UBE2R2: variants seen among roughly 807,000 people sequenced by gnomAD.
UBE2R2 encodes the protein ubiquitin conjugating enzyme E2 R2, also known as ubiquitin-conjugating enzyme E2 R2.
UBE2R2 carries 1 observed loss-of-function variant against 27.8 expected under a neutral mutation model. The observed-to-expected ratio is 0.04, with a 90% confidence interval of 0.01 to 0.17. The LOEUF is 0.17. UBE2R2 is among the 10% of genes least tolerant of loss of function. The pLI is 1.00. For missense variants in UBE2R2, 100 were observed against 291.0 expected, an observed-to-expected ratio of 0.34 and a Z score of 4.78; for synonymous variants, 106 against 113.3, an observed-to-expected ratio of 0.94 and a Z score of 0.41.
chr9:33,822,240 C>T (rs970070596), intron 1 of UBE2R2, among the ~76,000 whole-genome samples: 4 of 150,576 alleles, frequency 2.7e-5, no homozygotes, highest in South Asian at 2.1e-4. Flanking sequence ...TACAGGCATG[C>T]GCCACCATGC....
At chr9:33,897,712 A>G (rs1214274941) in intron 2 of UBE2R2, among the ~76,000 whole-genome samples, 12 of 151,676 alleles carry the variant, frequency 7.9e-5, no homozygotes, top group African/African-American at 2.7e-4. Context: ...AAAGCCTTTT[A>G]TCTTCCACCC....
At chr9:33,904,716 G>A (rs911410775) in intron 3 of UBE2R2, among the ~76,000 whole-genome samples, 1 of 152,102 alleles carries the variant, frequency 6.6e-6, no homozygotes, top group African/African-American at 2.4e-5. Context: ...CTAAAGGCTC[G>A]GTAGCTTGCT....
chr9:33,900,965 C>T (rs992544921), intron 3 of UBE2R2, among the ~76,000 whole-genome samples: 15 of 152,114 alleles, frequency 9.9e-5, no homozygotes, highest in African/African-American at 2.9e-4. Context: ...GTGTCTCTGT[C>T]TCTTGTCTTT....
intron 1 of UBE2R2, among the ~76,000 whole-genome samples, chr9:33,861,546 C>A (rs911025251): frequency 2.0e-5 from 3 of 151,642 alleles, no homozygotes; most frequent in African/African-American, 7.3e-5. Flanking sequence ...GAGCTGAGAT[C>A]ATGCCACTGC....
intron 1 of UBE2R2, among the ~76,000 whole-genome samples, chr9:33,835,228 A>T (rs1283805262): frequency 6.8e-6 from 1 of 148,080 alleles, no homozygotes; most frequent in Admixed American, 6.9e-5. Context: ...GCTCACTGCA[A>T]CCTCTGTCTC....
intron 1 of UBE2R2, among the ~76,000 whole-genome samples, chr9:33,833,061 A>T (rs1463073851): frequency 1.3e-5 from 2 of 152,064 alleles, no homozygotes; most frequent in Non-Finnish European, 2.9e-5. Flanking sequence ...CTAATTTGAA[A>T]ATTATGAGGT....
intron 1 of UBE2R2, among the ~76,000 whole-genome samples, chr9:33,824,895 T>G (rs1454876948): frequency 1.3e-5 from 2 of 152,150 alleles, no homozygotes; most frequent in African/African-American, 4.8e-5. Context: ...GAGAGACCAT[T>G]TCATTGAAAT....
chr9:33,918,498 A>T lies in UBE2R2; in HGVS notation c.*1261A>T, dbSNP rs2130829087. On this transcript the variant is annotated 3_prime_UTR_variant, in exon 5 of 5. Coordinates refer to ENST00000263228, the MANE Select transcript of UBE2R2 (RefSeq NM_017811.4). ...TGACTGCAGGCAGTTTTTAGGCCAG[A>T]TAAGGCTAGATCTTCCTGCAATGCA... The T allele has an allele frequency of 6.6e-6, 1 of 152,166 alleles. No individual in the cohort carries two copies. Among genetic ancestry groups the T allele is most frequent in the East Asian group, 1.9e-4 (1 of 5,160 alleles). The allele number at this position is 152,166 out of a possible 1,614,324, so 9.4% of individuals were successfully genotyped here.
At chr9:33,817,136 C>G (rs1587416983), upstream of UBE2R2, among the ~76,000 whole-genome samples, 2 of 151,304 alleles carry the variant, frequency 1.3e-5, no homozygotes, top group African/African-American at 4.8e-5. Context: ...CCTCCTCCCT[C>G]TCTCCCTCCC....
intron 1 of UBE2R2, among the ~76,000 whole-genome samples, chr9:33,869,647 A>G (rs905443977): frequency 5.9e-5 from 9 of 151,624 alleles, no homozygotes; most frequent in Non-Finnish European, 1.3e-4. Flanking sequence ...CGGGGTTTTC[A>G]CCATGTTGGC....
At position 33,917,928 on chromosome 9, in the gene UBE2R2, C is replaced by CT. The variant is rs1284053034; in HGVS notation, c.*694dup. 1 of 153,660 alleles carries CT rather than the reference C, an allele frequency of 6.5e-6. No individual in the cohort carries two copies. Among genetic ancestry groups the CT allele is most frequent in the African/African-American group, 2.4e-5 (1 of 41,392 alleles). 9.5% of individuals were successfully genotyped at this position (153,660 alleles called of 1,614,324 possible). A position where few individuals can be genotyped will look rare whatever the true frequency, so the allele number is the denominator to read the frequency against. The stretch of plus-strand genomic sequence containing the variant: ...AGCTGCTCTGAGGAGAGAAATCAGA[C>CT]TTTGTTTTTTGAAATCGATTGGGAT... On this transcript the variant is annotated 3_prime_UTR_variant, in exon 5 of 5. Coordinates refer to ENST00000263228, the MANE Select transcript of UBE2R2 (RefSeq NM_017811.4).
In UBE2R2 at chr9:33,906,511, C is replaced by T. The variant is rs542017800; in HGVS notation, c.363-5453C>T. Among the ~76,000 whole-genome samples the T allele has an allele frequency of 4.6e-5, 7 of 152,106 alleles. No individual in the cohort carries two copies. In the East Asian group the frequency reaches 1.2e-3, roughly 25 times the overall value. ...ATGATATATACATGGGAGGTGGGAC[C>T]AGGGGAAGGTGCCAGTCTGTAATCC... On this transcript the variant is annotated intron_variant, in intron 3 of 4. Coordinates refer to ENST00000263228, the MANE Select transcript of UBE2R2 (RefSeq NM_017811.4).
chr9:33,893,564 T>C (rs913586848), intron 2 of UBE2R2, among the ~76,000 whole-genome samples: 4 of 152,234 alleles, frequency 2.6e-5, no homozygotes, highest in Admixed American at 6.5e-5. Context: ...CTGTTTTCAG[T>C]TCTTTGGGTT....
In UBE2R2 at chr9:33,867,520, G is replaced by A. The variant is rs540048596; in HGVS notation, c.178-19361G>A. On this transcript the variant is annotated intron_variant, in intron 1 of 4. Transcript: ENST00000263228. ...TTTCTAAGCTGGTTGTACCTGTTCTGCATTCCTATAAGCGCTATATGAGAG... is the reference window on the plus strand; with the variant it reads ...TTTCTAAGCTGGTTGTACCTGTTCTACATTCCTATAAGCGCTATATGAGAG... Among the ~76,000 whole-genome samples the A allele has an allele frequency of 8.5e-5, 13 of 152,258 alleles. No individual in the cohort carries two copies. In the South Asian group the frequency reaches 2.7e-3, roughly 32 times the overall value.
Position 33,886,940 on chromosome 9 carries a change from CA to C in UBE2R2, c.241del (p.Met81CysfsTer21). ...CACCACCTACCTTCAGATTCTTGAC[CA>C]AAATGTGGCACCCCAACATTTATGA... Reference protein sequence around the residue: ...YSPPTFRFLTKMWHPNIYENG... With the variant: ...YSPPTFRFLTXMWHPNIYENG... On this transcript the variant is annotated frameshift_variant, in exon 2 of 5. Coordinates refer to ENST00000263228, the MANE Select transcript of UBE2R2 (RefSeq NM_017811.4). LOFTEE classifies it high-confidence loss of function. 1 of 1,600,350 alleles carries C rather than the reference CA, an allele frequency of 6.2e-7. No homozygotes were observed. Among genetic ancestry groups the C allele is most frequent in the Admixed American group, 1.8e-5 (1 of 55,634 alleles).
At chr9:33,911,754 A>AT (rs911588963) in intron 3 of UBE2R2, among the ~76,000 whole-genome samples, 1 of 151,848 alleles carries the variant, frequency 6.6e-6, no homozygotes, top group Non-Finnish European at 1.5e-5. Context: ...GCTGAAAAAA[A>AT]TTTTTTTTTA....
chr9:33,911,754 A>T (rs568625608), intron 3 of UBE2R2, among the ~76,000 whole-genome samples: 71 of 151,964 alleles, frequency 4.7e-4, no homozygotes, highest in Admixed American at 1.3e-3. Flanking sequence ...GCTGAAAAAA[A>T]TTTTTTTTTA....
At chr9:33,829,160 G>A (rs567389664) in intron 1 of UBE2R2, among the ~76,000 whole-genome samples, 4 of 152,212 alleles carry the variant, frequency 2.6e-5, no homozygotes, top group South Asian at 2.1e-4. Context: ...GAGCCACCGC[G>A]CCTGGCCTTT....
intron 1 of UBE2R2, among the ~76,000 whole-genome samples, chr9:33,833,057 T>G (rs1396385921): frequency 1.3e-5 from 2 of 152,190 alleles, no homozygotes; most frequent in African/African-American, 4.8e-5. Context: ...TCTACTAATT[T>G]GAAAATTATG....
Sources: allele counts gnomAD v4.1 joint callset (sites outside exome capture counted in the v4.1 genomes callset), GRCh38; gene constraint gnomAD v4.1.1; transcripts MANE v1.5; gene names NCBI Gene and HGNC (gene_info 2026-07-23, HGNC 2026-07-21).